The following DLGAP2 variants were observed in gnomAD, a reference collection of about 807,000 sequenced individuals.
The protein encoded by DLGAP2 is disks large-associated protein 2.
A neutral mutation model predicts 100.3 loss-of-function variants in DLGAP2; 26 were observed. The ratio of observed to expected loss-of-function variants is 0.26; its 90% CI spans 0.19 to 0.36. DLGAP2 has a LOEUF of 0.36. DLGAP2 is among the 10% of genes least tolerant of loss of function. The probability of loss-of-function intolerance (pLI) is 1.00; values close to 1 mark genes in which losing one functional copy is unlikely to be tolerated. For synonymous variants in DLGAP2, 886 were observed against 630.1 expected (o/e 1.41, Z -6.08); for missense variants, 1,858 against 1,453.2 (o/e 1.28, Z -4.53).
At chr8:1,494,632 G>A (rs956278890) in intron 3 of DLGAP2, among the ~76,000 whole-genome samples, 1 of 152,152 alleles carries the variant, frequency 6.6e-6, no homozygotes, top group African/African-American at 2.4e-5. Flanking sequence ...GGCGTCTGAG[G>A]CAGGAGAATT....
chr8:1,521,454 T>TG lies in DLGAP2; in HGVS notation c.172+20027dup, dbSNP rs1345095560. Among the ~76,000 whole-genome samples, 106 of 71,340 alleles carry TG rather than the reference T, an allele frequency of 1.5e-3. 2 individuals are homozygous for TG. The highest frequency in any genetic ancestry group is 5.1e-3 in the African/African-American group (103 of 20,182). The allele number at this position is 71,340 out of a possible 152,430, so 46.8% of individuals were successfully genotyped here. On this transcript the variant is annotated intron_variant, in intron 4 of 14. Coordinates refer to ENST00000637795, the MANE Select transcript of DLGAP2 (RefSeq NM_001346810.2). ...TGGAATACTCGGGCGGCAGGTGATA[T>TG]GGGGCATCTCTGGTTTGCACACTTG...
Position 874,794 on chromosome 8 carries a change from A to G in DLGAP2, c.19-33118A>G, listed in dbSNP as rs548398048. Among the ~76,000 whole-genome samples the G allele has an allele frequency of 7.6e-4, 116 of 152,256 alleles. No individual in the cohort carries two copies. The South Asian group carries it at 9.1e-3, about 12-fold the overall frequency. The stretch of plus-strand genomic sequence containing the variant: ...GATCTTTTGTCTAGTTGATCTATCC[A>G]TCATTAAGAGTGTGGTATTAAAGTC... On this transcript the variant is annotated intron_variant, in intron 1 of 14. Coordinates refer to ENST00000637795, the MANE Select transcript of DLGAP2 (RefSeq NM_001346810.2).
intron 1 of DLGAP2, among the ~76,000 whole-genome samples, chr8:747,739 GGGC>G (rs1820665353): frequency 2.1e-5 from 1 of 47,912 alleles, no homozygotes; most frequent in Non-Finnish European, 4.2e-5. Flanking sequence ...TGGGATGGGG[GGGC>G]TCTGCGGTGG....
At chr8:1,365,744 G>A (rs1802094044) in intron 3 of DLGAP2, among the ~76,000 whole-genome samples, 1 of 152,214 alleles carries the variant, frequency 6.6e-6, no homozygotes, top group Admixed American at 6.5e-5. Flanking sequence ...TTTCCTGGGA[G>A]TTCTGAGGCC....
In DLGAP2 at chr8:1,697,220, A is replaced by G. The variant is rs1419267542; in HGVS notation, c.2870A>G (p.Glu957Gly). 32 of 1,611,796 alleles carry G rather than the reference A, an allele frequency of 2.0e-5. No homozygotes were observed. Among genetic ancestry groups the G allele is most frequent in the Non-Finnish European group, 2.7e-5 (32 of 1,178,944 alleles). ...TGGGACATGCTGCAGCTCTCCATTG[A>G]GGACGTCAGCATGAAGTTCGACGAG... ...GYWDMLQLSIEDVSMKFDELQ... is the reference protein window; with the variant it reads ...GYWDMLQLSIGDVSMKFDELQ... The change falls in exon 14 of 15, where the codon GAG (glutamate) becomes GGG (glycine). Residue 957 changes from glutamate (E) to glycine (G), a missense_variant. Transcript: ENST00000637795.
chr8:1,158,225 A>G lies in DLGAP2; in HGVS notation c.74-100626A>G, dbSNP rs768186980. On this transcript the variant is annotated intron_variant, in intron 2 of 14. Coordinates refer to ENST00000637795, the MANE Select transcript of DLGAP2 (RefSeq NM_001346810.2). Reference sequence around the variant, plus strand: ...AAGCTATATAATGATTTTGTGGCCAATATAACTTTTTGAATTAAAATGAGG... The same window carrying G: ...AAGCTATATAATGATTTTGTGGCCAGTATAACTTTTTGAATTAAAATGAGG... 7.2e-5 allele frequency among the ~76,000 whole-genome samples: 11 copies of G among 152,384 alleles called. No individual in the cohort carries two copies. The East Asian group carries it at 7.7e-4, about 11-fold the overall frequency.
At chr8:1,584,718 G>C (rs1040444826) in intron 6 of DLGAP2, among the ~76,000 whole-genome samples, 1 of 152,094 alleles carries the variant, frequency 6.6e-6, no homozygotes, top group African/African-American at 2.4e-5. Flanking sequence ...TGCTCCTGGG[G>C]GTCTCTGCCC....
At chr8:1,172,735 C>T (rs1433851679) in intron 2 of DLGAP2, among the ~76,000 whole-genome samples, 2 of 152,220 alleles carry the variant, frequency 1.3e-5, no homozygotes, top group African/African-American at 2.4e-5. Flanking sequence ...TCAGCTCCAT[C>T]AGCTCCTTTA....
chr8:860,418 G>A (rs1008064643), intron 1 of DLGAP2, among the ~76,000 whole-genome samples: 1 of 152,212 alleles, frequency 6.6e-6, no homozygotes, highest in African/African-American at 2.4e-5. Flanking sequence ...CACTTTCAAG[G>A]CTCTCCATTA....
chr8:1,298,036 G>A (rs113899706), intron 3 of DLGAP2, among the ~76,000 whole-genome samples: 5 of 23,692 alleles, frequency 2.1e-4, no homozygotes, highest in Non-Finnish European at 2.6e-4. Flanking sequence ...CGTGGCAGGC[G>A]TGAACAGACA....
chr8:1,368,011 T>C (rs1261897001), intron 3 of DLGAP2, among the ~76,000 whole-genome samples: 1 of 152,224 alleles, frequency 6.6e-6, no homozygotes, highest in Non-Finnish European at 1.5e-5. Flanking sequence ...AGATGGGGAC[T>C]GATTGGTTTT....
intron 1 of DLGAP2, among the ~76,000 whole-genome samples, chr8:752,575 G>A (rs1820819755): frequency 6.6e-6 from 1 of 152,208 alleles, no homozygotes; most frequent in Admixed American, 6.5e-5. Flanking sequence ...AGAAGGAGGG[G>A]ATGGGGCAGG....
intron 2 of DLGAP2, among the ~76,000 whole-genome samples, chr8:1,049,815 C>T (rs979784740): frequency 9.2e-5 from 14 of 152,144 alleles, no homozygotes; most frequent in African/African-American, 2.2e-4. Flanking sequence ...GGTGTGCATA[C>T]GTGTACACAT....
At chr8:934,890 G>C (rs1366533854) in intron 2 of DLGAP2, among the ~76,000 whole-genome samples, 1 of 152,132 alleles carries the variant, frequency 6.6e-6, no homozygotes, top group Non-Finnish European at 1.5e-5. Flanking sequence ...TCCAAAGATA[G>C]AGCTTTCCCT....
intron 2 of DLGAP2, among the ~76,000 whole-genome samples, chr8:1,220,995 C>T (rs1047429572): frequency 5.3e-5 from 8 of 152,164 alleles, no homozygotes; most frequent in African/African-American, 1.9e-4. Context: ...TGGGTGTCTT[C>T]ACATGTGAGA....
At chr8:1,272,138 G>C (rs556539384) in intron 3 of DLGAP2, among the ~76,000 whole-genome samples, 1 of 152,132 alleles carries the variant, frequency 6.6e-6, no homozygotes, top group African/African-American at 2.4e-5. Flanking sequence ...ATTATTCTCC[G>C]TTTTCTCAAA....
intron 6 of DLGAP2, chr8:1,621,441 G>C (rs1370872849): frequency 6.6e-6 from 1 of 152,454 alleles, no homozygotes; most frequent in Non-Finnish European, 1.5e-5. Flanking sequence ...AGCCAGAAGA[G>C]GTTGTCCACA....
At chr8:1,204,627 G>T (rs970520874) in intron 2 of DLGAP2, among the ~76,000 whole-genome samples, 5 of 152,122 alleles carry the variant, frequency 3.3e-5, no homozygotes, top group Non-Finnish European at 7.4e-5. Flanking sequence ...GACAGGCTGG[G>T]AACTGCATGT....
chr8:1,609,502 C>A (rs1194009330), intron 6 of DLGAP2, among the ~76,000 whole-genome samples: 1 of 136,470 alleles, frequency 7.3e-6, no homozygotes, highest in African/African-American at 2.6e-5. Context: ...AAATCACCAG[C>A]TAACAACATA....
Sources: gnomAD v4.1 joint callset for allele counts (sites outside exome capture counted in the v4.1 genomes callset) on GRCh38, gnomAD v4.1.1 for gene constraint, MANE v1.5 for transcripts, NCBI Gene and HGNC (gene_info 2026-07-23, HGNC 2026-07-21) for gene names.